Variants in MTDH observed in about 807,000 individuals in gnomAD.
MTDH encodes metadherin.
A neutral mutation model predicts 72.7 loss-of-function variants in MTDH; 34 were observed. The ratio of observed to expected loss-of-function variants is 0.47; its 90% CI spans 0.36 to 0.62. The LOEUF is 0.62. MTDH is among the 20% of genes least tolerant of loss of function. The pLI is 0.00. For missense variants in MTDH, 677 were observed against 699.4 expected, an observed-to-expected ratio of 0.97 and a Z score of 0.36; for synonymous variants, 266 against 268.9, an observed-to-expected ratio of 0.99 and a Z score of 0.10.
chr8:97,674,269 A>G (rs1812754872), intron 2 of MTDH, among the ~76,000 whole-genome samples: 2 of 152,234 alleles, frequency 1.3e-5, no homozygotes, highest in Admixed American at 6.5e-5. Context: ...TTAGGAAAAT[A>G]ACAATAGTAC....
At chr8:97,713,947 T>C (rs113826285) in intron 9 of MTDH, among the ~76,000 whole-genome samples, 178 bp downstream of exon 9, 77 of 152,346 alleles carry the variant, frequency 5.1e-4, no homozygotes, top group African/African-American at 1.7e-3. Context: ...ATGTTATTGC[T>C]CAAAAAATTC....
chr8:97,668,859 A>G (rs531931510), intron 2 of MTDH, among the ~76,000 whole-genome samples: 3 of 152,106 alleles, frequency 2.0e-5, no homozygotes, highest in Admixed American at 2.0e-4. Flanking sequence ...CCGGCCATGT[A>G]ACAACTTTTA....
intron 8 of MTDH, among the ~76,000 whole-genome samples, chr8:97,710,204 A>G (rs1814564175): frequency 6.6e-6 from 1 of 152,050 alleles, no homozygotes; most frequent in Non-Finnish European, 1.5e-5. Context: ...TAATTTCTGT[A>G]AACTGTCTGG....
intron 8 of MTDH, 142 bp from the exon 9 acceptor site, chr8:97,713,520 T>G: frequency 1.9e-6 from 1 of 516,238 alleles, no homozygotes; most frequent in Non-Finnish European, 3.4e-6. Context: ...TCTTGATCCA[T>G]TGTATTACTT....
chr8:97,705,301 A>C (rs1349499381), intron 7 of MTDH, among the ~76,000 whole-genome samples: 2 of 151,226 alleles, frequency 1.3e-5, no homozygotes, highest in East Asian at 3.9e-4. Context: ...CATCTCAAAA[A>C]AAAAAGAGAA....
At chr8:97,682,228 CTTTATATATATATATATATA>C (rs1317312246) in intron 2 of MTDH, among the ~76,000 whole-genome samples, 9 of 44,028 alleles carry the variant, frequency 2.0e-4, no homozygotes, top group African/African-American at 7.0e-4. Flanking sequence ...TTGTTAATTA[CTTTATATATATATATATATA>C]TATATATATA....
intron 2 of MTDH, 40 bp from the exon 3 acceptor site, chr8:97,686,628 A>G: frequency 7.5e-7 from 1 of 1,336,344 alleles, no homozygotes; most frequent in Non-Finnish European, 1.0e-6. Flanking sequence ...TTATTCAAAA[A>G]CATAACAAAA....
chr8:97,707,939 CTT>C (rs1362398935), intron 8 of MTDH, among the ~76,000 whole-genome samples: 2 of 149,968 alleles, frequency 1.3e-5, no homozygotes, highest in Non-Finnish European at 3.0e-5. Context: ...ATCAAGAAGC[CTT>C]TAACAAGTGG....
intron 7 of MTDH, among the ~76,000 whole-genome samples, chr8:97,705,328 G>A (rs1263278655): frequency 2.0e-5 from 3 of 149,180 alleles, no homozygotes; most frequent in Non-Finnish European, 3.0e-5. Context: ...ATTGCTGGGC[G>A]TGGTGCCTCA....
chr8:97,712,226 T>G (rs533614794), intron 8 of MTDH, among the ~76,000 whole-genome samples: 27 of 152,290 alleles, frequency 1.8e-4, no homozygotes, highest in Non-Finnish European at 3.2e-4. Flanking sequence ...TTAGTAGAGA[T>G]GGGGTTTCAC....
chr8:97,677,028 C>CAA (rs1812878512), intron 2 of MTDH, among the ~76,000 whole-genome samples: 1 of 31,292 alleles, frequency 3.2e-5, no homozygotes, highest in Non-Finnish European at 7.3e-5. Context: ...AAAAAAAATA[C>CAA]AAAAATTAGC....
At chr8:97,713,452 C>T (rs867247871) in intron 8 of MTDH, among the ~76,000 whole-genome samples, 18 of 152,168 alleles carry the variant, frequency 1.2e-4, no homozygotes, top group Middle Eastern at 3.4e-3. Context: ...TGATGGATGA[C>T]GTAGACACAC....
intron 2 of MTDH, among the ~76,000 whole-genome samples, chr8:97,679,520 C>T (rs1812985457): frequency 6.6e-6 from 1 of 152,164 alleles, no homozygotes; most frequent in South Asian, 2.1e-4. Context: ...TTTCAGTAAG[C>T]ATGGCCAATC....
intron 11 of MTDH, 44 bp from the exon 12 acceptor site, chr8:97,724,556 A>G (rs375828161): frequency 8.9e-6 from 12 of 1,346,810 alleles, no homozygotes; most frequent in Non-Finnish European, 1.2e-5. Context: ...AGTATTTACC[A>G]TCCTCCTAAT....
At chr8:97,716,395 GA>G (rs1014962980) in intron 9 of MTDH, among the ~76,000 whole-genome samples, 10 of 143,760 alleles carry the variant, frequency 7.0e-5, no homozygotes, top group African/African-American at 2.1e-4. Flanking sequence ...TTAAAAGAAA[GA>G]AAAAAAAAGT....
chr8:97,647,831 C>G (rs1563517040), intron 1 of MTDH, among the ~76,000 whole-genome samples: 1 of 151,954 alleles, frequency 6.6e-6, no homozygotes, highest in Non-Finnish European at 1.5e-5. Context: ...GTAATCCCAG[C>G]ACTTTGGGAG....
intron 8 of MTDH, 134 bp from the exon 9 acceptor site, chr8:97,713,524 ATTAC>A (rs1271836053): frequency 2.5e-5 from 13 of 528,600 alleles, no homozygotes; most frequent in Non-Finnish European, 3.7e-5. Context: ...GATCCATTGT[ATTAC>A]TTATTACTAG....
intron 1 of MTDH, among the ~76,000 whole-genome samples, chr8:97,650,336 G>A (rs527657903): frequency 2.0e-5 from 3 of 150,894 alleles, no homozygotes; most frequent in Non-Finnish European, 4.4e-5. Flanking sequence ...GTGCAGTGGC[G>A]TAATCTTGGC....
chr8:97,670,732 C>G (rs977913405), intron 2 of MTDH, among the ~76,000 whole-genome samples: 1 of 152,166 alleles, frequency 6.6e-6, no homozygotes, highest in African/African-American at 2.4e-5. Context: ...ATAGCAACAT[C>G]TGCTTCTCAG....
Sources: gnomAD v4.1 joint callset for allele counts (sites outside exome capture counted in the v4.1 genomes callset) on GRCh38, gnomAD v4.1.1 for gene constraint, MANE v1.5 for transcripts, NCBI Gene and HGNC (gene_info 2026-07-23, HGNC 2026-07-21) for gene names.